AGBL1: variants seen among roughly 807,000 people sequenced by gnomAD.
AGBL1 encodes the protein AGBL carboxypeptidase 1, also known as cytosolic carboxypeptidase 4.
In AGBL1, 130 loss-of-function variants were observed where a neutral mutation model predicts 118.9. That is an observed-to-expected ratio of 1.09 (90% confidence interval 0.95 to 1.26). The LOEUF (loss-of-function observed/expected upper bound fraction) is 1.26. Among genes scored for constraint, AGBL1 ranks in the 50% most tolerant of loss-of-function variants. The probability of loss-of-function intolerance (pLI) is 0.00; values close to 1 mark genes in which losing one functional copy is unlikely to be tolerated. For synonymous variants in AGBL1, 555 were observed against 478.9 expected, an observed-to-expected ratio of 1.16 and a Z score of -2.08; for missense variants, 1,584 against 1,298.1, an observed-to-expected ratio of 1.22 and a Z score of -3.38.
intron 22 of AGBL1, among the ~76,000 whole-genome samples, chr15:86,795,598 T>TG (rs1313963546): frequency 6.6e-6 from 1 of 150,608 alleles, no homozygotes; most frequent in Non-Finnish European, 1.5e-5. Flanking sequence ...TTTTTTTTTT[T>TG]TTTGAGACGG....
intron 22 of AGBL1, among the ~76,000 whole-genome samples, chr15:86,841,282 G>C (rs998044800): frequency 1.3e-5 from 2 of 152,178 alleles, no homozygotes; most frequent in Non-Finnish European, 2.9e-5. Flanking sequence ...ATCTTTTCCA[G>C]AGGGATTTTG....
intron 23 of AGBL1, among the ~76,000 whole-genome samples, chr15:86,948,343 A>G (rs2080846814): frequency 6.6e-6 from 1 of 152,252 alleles, no homozygotes; most frequent in Non-Finnish European, 1.5e-5. Context: ...AATAAAAAAT[A>G]GTCATTAGAA....
intron 22 of AGBL1, among the ~76,000 whole-genome samples, chr15:86,821,723 G>T (rs144425632): frequency 8.5e-5 from 13 of 152,276 alleles, no homozygotes; most frequent in African/African-American, 3.1e-4. Flanking sequence ...CTGTTTTCCT[G>T]TGGTAGTACT....
intron 14 of AGBL1, among the ~76,000 whole-genome samples, chr15:86,270,307 C>T (rs1436303674): frequency 2.0e-5 from 3 of 152,320 alleles, no homozygotes; most frequent in Non-Finnish European, 2.9e-5. Context: ...TTCCCTCGCT[C>T]TACCTTGAAC....
chr15:86,405,516 A>G (rs185564159), intron 18 of AGBL1, among the ~76,000 whole-genome samples: 165 of 151,982 alleles, frequency 1.1e-3, no homozygotes, highest in African/African-American at 3.3e-3. Context: ...CAAAAAAACA[A>G]AAAAGCAAAA....
intron 16 of AGBL1, among the ~76,000 whole-genome samples, chr15:86,286,077 T>G (rs530465100): frequency 6.6e-6 from 1 of 151,916 alleles, no homozygotes; most frequent in Non-Finnish European, 1.5e-5. Flanking sequence ...GCTTTTTGTT[T>G]TTCATTTATT....
chr15:86,375,986 C>A (rs947447489), intron 17 of AGBL1, among the ~76,000 whole-genome samples: 4 of 152,184 alleles, frequency 2.6e-5, no homozygotes, highest in Admixed American at 2.6e-4. Context: ...CTGCTATGGA[C>A]AAGTTGGTGT....
chr15:86,184,652 G>T (rs2077603693), intron 5 of AGBL1, among the ~76,000 whole-genome samples: 4 of 151,992 alleles, frequency 2.6e-5, no homozygotes, highest in African/African-American at 9.7e-5. Flanking sequence ...ATATTTCTTG[G>T]AGGCTTTGTT....
chr15:86,119,876 C>G (rs1469531822), intron 1 of AGBL1, among the ~76,000 whole-genome samples: 1 of 152,040 alleles, frequency 6.6e-6, no homozygotes, highest in Non-Finnish European at 1.5e-5. Flanking sequence ...TCGAGTGGTG[C>G]CTGAAGAAAG....
intron 5 of AGBL1, among the ~76,000 whole-genome samples, chr15:86,200,115 T>C (rs1387226154): frequency 6.6e-6 from 1 of 152,228 alleles, no homozygotes; most frequent in Non-Finnish European, 1.5e-5. Context: ...ACTCAGTTGT[T>C]TGAAGGTCCA....
At chr15:86,886,020 G>A (rs779040582) in intron 22 of AGBL1, among the ~76,000 whole-genome samples, 5 of 152,182 alleles carry the variant, frequency 3.3e-5, no homozygotes, top group Non-Finnish European at 7.3e-5. Flanking sequence ...ACAAAATAGA[G>A]TCTTTAAATA....
At chr15:86,732,162 G>A (rs1042762545) in intron 22 of AGBL1, among the ~76,000 whole-genome samples, 2 of 152,234 alleles carry the variant, frequency 1.3e-5, no homozygotes, top group Non-Finnish European at 2.9e-5. Context: ...AATGCAGGCA[G>A]TAGGGCTCTA....
chr15:86,722,884 C>A (rs568900990), intron 22 of AGBL1, among the ~76,000 whole-genome samples: 3 of 152,116 alleles, frequency 2.0e-5, no homozygotes, highest in Non-Finnish European at 4.4e-5. Context: ...ATTTATGCAG[C>A]CAAAAGACAC....
chr15:86,944,709 C>G (rs185617567), intron 23 of AGBL1, among the ~76,000 whole-genome samples: 1 of 152,234 alleles, frequency 6.6e-6, no homozygotes, highest in Admixed American at 6.5e-5. Context: ...ATTTTTAATA[C>G]CTTCAATTCA....
chr15:86,978,043 TA>T (rs2081192770), intron 23 of AGBL1, among the ~76,000 whole-genome samples: 1 of 152,180 alleles, frequency 6.6e-6, no homozygotes, highest in Non-Finnish European at 1.5e-5. Flanking sequence ...ATTTTTTAGA[TA>T]AAAGCAGTAT....
chr15:86,763,460 AAC>A lies in AGBL1; in HGVS notation c.3158+89028_3158+89029del, dbSNP rs111682391. 4.2e-3 allele frequency among the ~76,000 whole-genome samples: 637 copies of A among 152,110 alleles called. 8 individuals are homozygous for A. Among genetic ancestry groups the A allele is most frequent in the African/African-American group, 0.014 (596 of 41,536 alleles). On this transcript the variant is annotated intron_variant, in intron 22 of 22. Coordinates refer to ENST00000614907, the MANE Select transcript of AGBL1 (RefSeq NM_001386094.1). ...AAATTATACTCACTTTAGTGAAAAA[AAC>A]ACATATTTAAAGATGATGGGGAGAT...
At chr15:86,379,854 C>T (rs1483586661) in intron 17 of AGBL1, among the ~76,000 whole-genome samples, 3 of 152,190 alleles carry the variant, frequency 2.0e-5, no homozygotes, top group Admixed American at 6.5e-5. Flanking sequence ...CAATCTTAAC[C>T]ATGTAGCTGT....
chr15:86,823,079 G>A (rs907768854), intron 22 of AGBL1, among the ~76,000 whole-genome samples: 5 of 152,092 alleles, frequency 3.3e-5, no homozygotes, highest in African/African-American at 9.7e-5. Flanking sequence ...GAAAATGATA[G>A]GCTCAGGTCA....
chr15:86,213,488 G>A (rs997334952), intron 5 of AGBL1, among the ~76,000 whole-genome samples: 1 of 152,106 alleles, frequency 6.6e-6, no homozygotes, highest in African/African-American at 2.4e-5. Context: ...CAGGAACTTC[G>A]GGGCTGGAGC....
Sources: allele counts gnomAD v4.1 joint callset (sites outside exome capture counted in the v4.1 genomes callset), GRCh38; gene constraint gnomAD v4.1.1; transcripts MANE v1.5; gene names NCBI Gene and HGNC (gene_info 2026-07-23, HGNC 2026-07-21).